ABCC4: variants seen among roughly 807,000 people sequenced by gnomAD.
ABCC4 encodes the protein ATP-binding cassette sub-family C member 4.
Under a neutral mutation model 168.5 loss-of-function variants are expected in ABCC4, and 102 were observed. That is an observed-to-expected ratio of 0.61 (90% CI 0.52 to 0.71). The LOEUF (loss-of-function observed/expected upper bound fraction) is 0.71. Ranked by LOEUF, ABCC4 falls within the 30% of genes least tolerant of loss-of-function variation. The pLI, the probability that ABCC4 is intolerant of heterozygous loss-of-function variation, is 0.00. For synonymous variants in ABCC4, 617 were observed against 590.7 expected (o/e 1.04, Z -0.65); for missense variants, 1,402 against 1,605.8 (o/e 0.87, Z 2.17).
At chr13:95,268,383 A>G (rs1338096233) in intron 1 of ABCC4, among the ~76,000 whole-genome samples, 2 of 152,174 alleles carry the variant, frequency 1.3e-5, no homozygotes, top group African/African-American at 2.4e-5. Context: ...GTGATAGTCT[A>G]CAATATGGCC....
At chr13:95,215,631 ATG>A (rs1214301716) in intron 4 of ABCC4, among the ~76,000 whole-genome samples, 3 of 152,196 alleles carry the variant, frequency 2.0e-5, no homozygotes, top group African/African-American at 7.2e-5. Flanking sequence ...GAACATAAAA[ATG>A]TTACACAGAA....
At chr13:95,210,151 T>C (rs925543505) in intron 5 of ABCC4, among the ~76,000 whole-genome samples, 2 of 152,212 alleles carry the variant, frequency 1.3e-5, no homozygotes, top group Non-Finnish European at 2.9e-5. Flanking sequence ...TAGAATGCCC[T>C]GGAAAAATGA....
intron 8 of ABCC4, among the ~76,000 whole-genome samples, 187 bp from the exon 9 acceptor site, chr13:95,195,124 G>C (rs1488751187): frequency 6.6e-6 from 1 of 152,080 alleles, no homozygotes; most frequent in Non-Finnish European, 1.5e-5. Context: ...CATGTAAAGA[G>C]TTCATGGCCA....
intron 30 of ABCC4, among the ~76,000 whole-genome samples, chr13:95,030,743 C>A (rs541629918): frequency 2.4e-4 from 36 of 152,288 alleles, no homozygotes; most frequent in Non-Finnish European, 4.6e-4. Context: ...TGATCTCAGA[C>A]TCCAGCACGG....
In ABCC4 at chr13:95,135,385, G is replaced by A. The variant is rs553970769; in HGVS notation, c.2456-19384C>T. On this transcript the variant is annotated intron_variant, in intron 19 of 30. Coordinates refer to ENST00000645237, the MANE Select transcript of ABCC4 (RefSeq NM_005845.5). Reference sequence around the variant, plus strand: ...TTTCAGTGAACACTCTACATTTCACGATCAGGTAAAATATAATAATGTCCA... The same window carrying A: ...TTTCAGTGAACACTCTACATTTCACAATCAGGTAAAATATAATAATGTCCA... Among the ~76,000 whole-genome samples the A allele has an allele frequency of 1.1e-4, 17 of 151,106 alleles. No individual in the cohort carries two copies. The South Asian group carries it at 2.3e-3, about 20-fold the overall frequency.
chr13:95,121,076 G>GGCTC (rs2035555098), intron 19 of ABCC4, among the ~76,000 whole-genome samples: 1 of 152,174 alleles, frequency 6.6e-6, no homozygotes, highest in South Asian at 2.1e-4. Context: ...ACATGGCAGA[G>GGCTC]GCTCACAGAA....
chr13:95,186,154 G>GATTTTTTTTCTTGAGTGAGATGTA (rs1362845600), intron 11 of ABCC4, among the ~76,000 whole-genome samples: 21 of 151,990 alleles, frequency 1.4e-4, no homozygotes, highest in Admixed American at 2.6e-4. Flanking sequence ...AAATTCTGGT[G>GATTTTTTTTCTTGAGTGAGATGTA]ATTTTTTTTC....
intron 19 of ABCC4, among the ~76,000 whole-genome samples, chr13:95,148,177 G>GGTACCATAT (rs776178659): frequency 9.9e-5 from 15 of 152,174 alleles, no homozygotes; most frequent in Non-Finnish European, 1.8e-4. Context: ...TTAGCTGTTA[G>GGTACCATAT]GTACCATATC....
At chr13:95,177,326 T>A (rs2139594576) in intron 13 of ABCC4, among the ~76,000 whole-genome samples, 1 of 152,262 alleles carries the variant, frequency 6.6e-6, no homozygotes, top group Middle Eastern at 3.4e-3. Context: ...AAGGCTCAGG[T>A]TGCCAAGTGC....
chr13:95,025,594 A>T (rs774311156), intron 30 of ABCC4, among the ~76,000 whole-genome samples: 1 of 150,744 alleles, frequency 6.6e-6, no homozygotes, highest in Non-Finnish European at 1.5e-5. Flanking sequence ...ACAAGGCCCT[A>T]GCCACAACTA....
At position 95,276,864 on chromosome 13, in the gene ABCC4, C is replaced by G. The variant is rs72643698; in HGVS notation, c.74+24377G>C. Among the ~76,000 whole-genome samples, 226 of 152,106 alleles carry G rather than the reference C, an allele frequency of 1.5e-3. 1 individual carries two copies. Among genetic ancestry groups the G allele is most frequent in the Middle Eastern group, 3.4e-3 (1 of 294 alleles). On this transcript the variant is annotated intron_variant, in intron 1 of 30. Coordinates refer to ENST00000645237, the MANE Select transcript of ABCC4 (RefSeq NM_005845.5). The stretch of plus-strand genomic sequence containing the variant: ...TGAAACTCTGTCTCTACTAAAAGCA[C>G]AAACATTAACCGAGTGTGGTGGCAC...
At chr13:95,167,630 T>C (rs2037326424) in intron 14 of ABCC4, among the ~76,000 whole-genome samples, 1 of 152,080 alleles carries the variant, frequency 6.6e-6, no homozygotes, top group African/African-American at 2.4e-5. Context: ...ACACAGGAGG[T>C]AAAAGTGACA....
intron 1 of ABCC4, among the ~76,000 whole-genome samples, chr13:95,273,686 C>G (rs529389788): frequency 6.6e-6 from 1 of 151,978 alleles, no homozygotes; most frequent in South Asian, 2.1e-4. Context: ...TCTTGTAGCT[C>G]CCACAGTTCC....
At chr13:95,052,360 A>G (rs2032879856) in intron 27 of ABCC4, among the ~76,000 whole-genome samples, 1 of 152,198 alleles carries the variant, frequency 6.6e-6, no homozygotes, top group Non-Finnish European at 1.5e-5. Flanking sequence ...GGTTTCTGCC[A>G]TCAAGTAGAC....
chr13:95,062,540 C>G (rs1243221187), intron 26 of ABCC4, among the ~76,000 whole-genome samples, 164 bp downstream of exon 26: 2 of 150,272 alleles, frequency 1.3e-5, no homozygotes, highest in African/African-American at 2.5e-5. Context: ...AGCTGGATAT[C>G]TGATGAAAAT....
At chr13:95,178,453 G>A (rs1206563508) in intron 11 of ABCC4, among the ~76,000 whole-genome samples, 2 of 152,218 alleles carry the variant, frequency 1.3e-5, no homozygotes, top group African/African-American at 2.4e-5. Flanking sequence ...GGTGATAAGT[G>A]CTAAGAAGGA....
intron 4 of ABCC4, among the ~76,000 whole-genome samples, chr13:95,219,491 A>G (rs1231609603): frequency 6.6e-6 from 1 of 152,164 alleles, no homozygotes; most frequent in Non-Finnish European, 1.5e-5. Context: ...GAAGAGGAAG[A>G]AAAAAACCAA....
chr13:95,074,424 C>A, intron 22 of ABCC4, 100 bp from the exon 23 acceptor site: 2 of 900,800 alleles, frequency 2.2e-6, no homozygotes, highest in South Asian at 1.7e-5. Flanking sequence ...TGGAGTAGGG[C>A]ACCAAAGTTG....
chr13:95,282,763 G>A (rs2041158708), intron 1 of ABCC4, among the ~76,000 whole-genome samples: 1 of 151,744 alleles, frequency 6.6e-6, no homozygotes, highest in Non-Finnish European at 1.5e-5. Flanking sequence ...TCAAACTCCT[G>A]ACCTTGTGAT....
Sources: gnomAD v4.1 joint callset for allele counts (sites outside exome capture counted in the v4.1 genomes callset) on GRCh38, gnomAD v4.1.1 for gene constraint, MANE v1.5 for transcripts, NCBI Gene and HGNC (gene_info 2026-07-23, HGNC 2026-07-21) for gene names.